The following ZNF91 variants were observed in gnomAD, a reference collection of about 807,000 sequenced individuals.
The protein encoded by ZNF91 is zinc finger protein 91, also known as zinc finger protein 91 (HPF7, HTF10).
Under a neutral mutation model 12.6 loss-of-function variants are expected in ZNF91, and 7 were observed. The observed-to-expected ratio is 0.55, with a 90% CI of 0.31 to 1.04. The LOEUF (loss-of-function observed/expected upper bound fraction) is 1.04. Among genes scored for constraint, ZNF91 ranks in the 50% least tolerant of loss-of-function variants. The pLI is 0.05. For synonymous variants in ZNF91, 453 were observed against 462.6 expected (o/e 0.98, Z 0.27); for missense variants, 1,217 against 1,385.4 (o/e 0.88, Z 1.93).
At position 23,360,644 on chromosome 19, in the gene ZNF91, A is replaced by G. The variant is rs1488835860; in HGVS notation, c.2335T>C (p.Phe779Leu). The G allele has an allele frequency of 6.2e-7, 1 of 1,613,730 alleles. No individual in the cohort carries two copies. The highest frequency in any genetic ancestry group is 1.7e-5 in the Admixed American group (1 of 59,972). Residue 779 changes from phenylalanine (F) to leucine (L), a missense_variant, in exon 4 of 4, where the codon TTT (phenylalanine) becomes CTT (leucine). By Grantham distance (22) the Phe-to-Leu change is conservative (BLOSUM62 0). Transcript: ENST00000300619. ...CTAGTTAGGGTTGAAGACCATATAA[A>G]TGCTTTGCCACATTCTTTACATTTG... Reference protein sequence around the residue: ...PFKCKECGKAFIWSSTLTRHK... With the variant: ...PFKCKECGKALIWSSTLTRHK...
At chr19:23,311,399 C>T (rs1158257713), upstream of ZNF91, among the ~76,000 whole-genome samples, 1 of 152,094 alleles carries the variant, frequency 6.6e-6, no homozygotes, top group Non-Finnish European at 1.5e-5. Flanking sequence ...AGAGGCATTA[C>T]GATATATTTT....
Position 23,361,504 on chromosome 19 carries a change from C to T in ZNF91, c.1475G>A (p.Cys492Tyr). ...CCTAAAAGCTTTGCCACATTCTTCA[C>T]ATTTGTAGGGCTTCTCTCCAGTGTG... The part of the protein sequence containing the change: ...RIHTGEKPYK[C>Y]EECGKAFRQS... The change falls in exon 4 of 4, where the codon TGT becomes TAT. Residue 492 changes from cysteine (C) to tyrosine (Y), a missense_variant. Cys to Tyr is a radical substitution (Grantham distance 194). Coordinates refer to ENST00000300619, the MANE Select transcript of ZNF91 (RefSeq NM_003430.4). 6.2e-7 allele frequency: 1 copy of T among 1,613,768 alleles called. No individual in the cohort carries two copies. Among genetic ancestry groups the T allele is most frequent in the Non-Finnish European group, 8.5e-7 (1 of 1,179,862 alleles).
rs962329227 is a variant in ZNF91 at position 23,360,168 on chromosome 19, G to C, written c.2811C>G (p.Pro937=). The part of the protein sequence containing the change: ...THKRMHTGEK[P]YKCEECGKAF... ...CTTTGCCACATTCTTCACATTTGTAGGGTTTCTCTCCAGTGTGCATCCTCT... is the reference window on the plus strand; with the variant it reads ...CTTTGCCACATTCTTCACATTTGTACGGTTTCTCTCCAGTGTGCATCCTCT... The change falls in exon 4 of 4, where the codon CCC becomes CCG. Residue 937 remains proline (P), a synonymous_variant. Transcript: ENST00000300619. 34 of 1,608,986 alleles carry C rather than the reference G, an allele frequency of 2.1e-5. No homozygotes were observed. The highest frequency in any genetic ancestry group is 2.9e-5 in the Non-Finnish European group (34 of 1,178,784).
intron 3 of ZNF91, among the ~76,000 whole-genome samples, chr19:23,370,899 AAAG>A (rs1460856184): frequency 1.3e-5 from 2 of 152,244 alleles, no homozygotes; most frequent in Non-Finnish European, 2.9e-5. Flanking sequence ...CAGAAAAAAT[AAAG>A]AATTATAAAT....
At chr19:23,386,200 G>GA (rs1341144025) in intron 1 of ZNF91, among the ~76,000 whole-genome samples, 12 of 151,826 alleles carry the variant, frequency 7.9e-5, no homozygotes, top group African/African-American at 1.5e-4. Context: ...CTCATAAATA[G>GA]AAAAAATCAA....
intron 1 of ZNF91, among the ~76,000 whole-genome samples, chr19:23,309,391 C>T (rs1275725360): frequency 6.6e-6 from 1 of 152,166 alleles, no homozygotes; most frequent in East Asian, 1.9e-4. Flanking sequence ...ATGTGTCTTT[C>T]ATGCCTGGGT....
At chr19:23,346,950 G>A (rs1010249549) in intron 3 of ZNF91, among the ~76,000 whole-genome samples, 4 of 152,116 alleles carry the variant, frequency 2.6e-5, no homozygotes, top group African/African-American at 7.2e-5. Flanking sequence ...ACTTGGCCAC[G>A]CCAAAGATCC....
Position 23,362,690 on chromosome 19 carries a change from C to A in ZNF91, c.289G>T (p.Glu97Ter). 1 of 1,504,178 alleles carries A rather than the reference C, an allele frequency of 6.6e-7. No homozygotes were observed. The highest frequency in any genetic ancestry group is 2.3e-5 in the Admixed American group (1 of 43,894). 93.2% of individuals were successfully genotyped at this position (1,504,178 alleles called of 1,614,324 possible). A position where few individuals can be genotyped will look rare whatever the true frequency, so the allele number is the denominator to read the frequency against. The change falls in exon 4 of 4, where the codon GAG (glutamate) becomes TAG (stop). Residue 97 changes from glutamate to a stop codon, truncating the protein, a stop_gained. Transcript: ENST00000300619. LOFTEE classifies it low-confidence loss of function (END_TRUNC). ...TGAAAAGAATCTTCCATGCTCTGCTCTGGCCAAAAGTCTTGAGGAAAATGA... is the reference window on the plus strand; with the variant it reads ...TGAAAAGAATCTTCCATGCTCTGCTATGGCCAAAAGTCTTGAGGAAAATGA... ...CPHFPQDFWPEQSMEDSFQKV... is the reference protein window; with the variant it reads ...CPHFPQDFWP
At chr19:23,346,258 C>G (rs956543303) in intron 3 of ZNF91, among the ~76,000 whole-genome samples, 4 of 152,126 alleles carry the variant, frequency 2.6e-5, no homozygotes, top group Admixed American at 2.6e-4. Flanking sequence ...CTGCCACCCT[C>G]TCCCCAGAAG....
rs564954408 is a variant in ZNF91, at chr19:23,365,075, T to G, written c.254-2350A>C. Among the ~76,000 whole-genome samples, 8 of 152,026 alleles carry G rather than the reference T, an allele frequency of 5.3e-5. No homozygotes were observed. The East Asian group carries it at 1.5e-3, about 29-fold the overall frequency. On this transcript the variant is annotated intron_variant, in intron 3 of 3. Transcript: ENST00000300619. ...TTAGGCACCATCAACTAGATTAACA[T>G]ATTCATTAAAAAATCTTAGAAGAAG...
chr19:23,387,081 C>T (rs909801105), intron 1 of ZNF91, among the ~76,000 whole-genome samples: 1 of 152,058 alleles, frequency 6.6e-6, no homozygotes, highest in Non-Finnish European at 1.5e-5. Context: ...TAGAGAAATG[C>T]CAAGAAAAAC....
chr19:23,353,001 T>C (rs191517677), downstream of ZNF91, among the ~76,000 whole-genome samples: 618 of 152,236 alleles, frequency 4.1e-3, 9 homozygotes, highest in African/African-American at 0.014. Flanking sequence ...ACAGCAACAC[T>C]GTAATAGTGG....
intron 1 of ZNF91, chr19:23,385,006 T>C (rs1969829404): frequency 3.3e-6 from 4 of 1,214,514 alleles, no homozygotes; most frequent in East Asian, 2.3e-5. Context: ...AAGCAGTCTG[T>C]TGGAGAACGG....
chr19:23,391,553 T>A (rs1317384140), intron 1 of ZNF91, among the ~76,000 whole-genome samples: 3 of 152,190 alleles, frequency 2.0e-5, no homozygotes, highest in Non-Finnish European at 4.4e-5. Flanking sequence ...AGTCACTACT[T>A]CCTCCTGTTG....
At chr19:23,341,113 C>T (rs149795745) in intron 3 of ZNF91, among the ~76,000 whole-genome samples, 1,779 of 148,164 alleles carry the variant, frequency 0.012, 32 homozygotes, top group African/African-American at 0.042. Flanking sequence ...TGCAGTGGTA[C>T]GATCTCAGCT....
chr19:23,337,288 A>T (rs1968030329), downstream of ZNF91, among the ~76,000 whole-genome samples: 1 of 152,020 alleles, frequency 6.6e-6, no homozygotes, highest in African/African-American at 2.4e-5. Context: ...CATTTGTTTT[A>T]TATATATATG....
intron 1 of ZNF91, among the ~76,000 whole-genome samples, chr19:23,394,851 C>A (rs1305187172): frequency 1.3e-5 from 2 of 152,150 alleles, no homozygotes; most frequent in African/African-American, 4.8e-5. Context: ...AAATTACAAA[C>A]CATAGCTGGG....
At chr19:23,317,344 G>A (rs1355448903) in intron 1 of ZNF91, among the ~76,000 whole-genome samples, 2 of 152,102 alleles carry the variant, frequency 1.3e-5, no homozygotes, top group Admixed American at 6.6e-5. Context: ...CACCGCGCCC[G>A]GCCAGGTGAC....
downstream of ZNF91, among the ~76,000 whole-genome samples, chr19:23,334,559 G>C (rs186178530): frequency 5.9e-5 from 9 of 152,262 alleles, no homozygotes; most frequent in Admixed American, 5.9e-4. Context: ...AATAATAATA[G>C]AAGGTGAGAA....
Sources: gnomAD v4.1 joint callset for allele counts (sites outside exome capture counted in the v4.1 genomes callset) on GRCh38, gnomAD v4.1.1 for gene constraint, MANE v1.5 for transcripts, NCBI Gene and HGNC (gene_info 2026-07-23, HGNC 2026-07-21) for gene names.